Variants in ZNF124 observed in about 807,000 individuals in gnomAD.
ZNF124 encodes zinc finger protein 124.
In ZNF124, 25 loss-of-function variants were observed where a neutral mutation model predicts 26.6. The ratio of observed to expected loss-of-function variants is 0.94; its 90% CI spans 0.68 to 1.31. The LOEUF is 1.31. ZNF124 is among the 40% of genes most tolerant of loss of function. ZNF124 has a pLI of 0.00. For missense variants in ZNF124, 444 were observed against 422.2 expected (o/e 1.05, Z -0.45); for synonymous variants, 129 against 133.3 (o/e 0.97, Z 0.22).
At chr1:247,152,031 C>G (rs1328644579), downstream of ZNF124, among the ~76,000 whole-genome samples, 8 of 147,660 alleles carry the variant, frequency 5.4e-5, no homozygotes. Context: ...TATCTTTGGG[C>G]TAAAAATGTT....
exon 4 of ZNF124, chr1:247,123,067 C>A (rs2103095058): frequency 6.6e-6 from 1 of 152,322 alleles, no homozygotes. Flanking sequence ...AACACAATAA[C>A]TAAGCATAGA....
rs1326975345 is a variant in ZNF124 at position 247,156,446 on chromosome 1, C to T, written c.*120G>A. 2.8e-5 allele frequency: 37 copies of T among 1,339,576 alleles called. No homozygotes were observed. The highest frequency in any genetic ancestry group is 7.5e-5 in the African/African-American group (5 of 66,256). 83.0% of individuals were successfully genotyped at this position (1,339,576 alleles called of 1,614,324 possible). ...CATAGGGTTTATCTCCAGTTTGATT[C>T]GTTTCATGTATTTGAGGAAATCTGG... On this transcript the variant is annotated 3_prime_UTR_variant, in exon 4 of 4. Transcript: ENST00000543802.
In ZNF124 at chr1:247,156,550, G is replaced by A. The variant is rs575064230; in HGVS notation, c.*16C>T. ...ACTGTTCATGTTTTTGACAAAAACT[G>A]TAGTGATTAAAGCCTTTACATTTTT... On this transcript the variant is annotated 3_prime_UTR_variant, in exon 4 of 4. Coordinates refer to ENST00000543802, the MANE Select transcript of ZNF124 (RefSeq NM_001297568.2). The A allele has an allele frequency of 6.6e-7, 1 of 1,512,048 alleles. No individual in the cohort carries two copies. Among genetic ancestry groups the A allele is most frequent in the South Asian group, 1.4e-5 (1 of 71,862 alleles). The allele number at this position is 1,512,048 out of a possible 1,614,324, so 93.7% of individuals were successfully genotyped here. A position where few individuals can be genotyped will look rare whatever the true frequency, so the allele number is the denominator to read the frequency against.
intron 3 of ZNF124, among the ~76,000 whole-genome samples, chr1:247,147,347 C>T (rs971453961): frequency 2.0e-5 from 3 of 151,744 alleles, no homozygotes; most frequent in African/African-American, 7.3e-5. Flanking sequence ...CTGCCTCAGC[C>T]TCCAGAGTAG....
rs879233698 is a variant in ZNF124 at position 247,157,022 on chromosome 1, A to T, written c.600T>A (p.His200Gln). Reference protein sequence around the residue: ...SSHLRDHERTHTGEKPYECKH... With the variant: ...SSHLRDHERTQTGEKPYECKH... ...TACATTCATAGGGTTTCTCTCCAGT[A>T]TGAGTTCTTTCATGGTCACGAAGGT... Residue 200 changes from histidine (H) to glutamine (Q), a missense_variant, in exon 4 of 4, where the codon CAT becomes CAA. Transcript: ENST00000543802. 6.2e-7 allele frequency: 1 copy of T among 1,613,788 alleles called. No homozygotes were observed. The highest frequency in any genetic ancestry group is 8.5e-7 in the Non-Finnish European group (1 of 1,179,930).
intron 1 of ZNF124, among the ~76,000 whole-genome samples, chr1:247,169,902 A>C (rs1280783658): frequency 9.4e-6 from 1 of 106,690 alleles, no homozygotes; most frequent in Non-Finnish European, 1.9e-5. Context: ...CAGGGGATTC[A>C]TGCCATCCAG....
Position 247,159,011 on chromosome 1 carries a change from A to C in ZNF124, c.213T>G (p.Asn71Lys). 1 of 1,613,360 alleles carries C rather than the reference A, an allele frequency of 6.2e-7. No individual in the cohort carries two copies. The highest frequency in any genetic ancestry group is 8.5e-7 in the Non-Finnish European group (1 of 1,179,768). The change falls in exon 3 of 4, where the codon AAT becomes AAG. Residue 71 changes from asparagine (N) to lysine (K), a missense_variant. Transcript: ENST00000543802. ...CTCTTGTGAGGGCAAATTACCTTAG[A>C]TTTCTTGAAGAATTTTTGTACTGAT... ...IEDQYKNSSR[N>K]LRHIISHSGN...
chr1:247,160,143 G>A (rs1184371010), intron 1 of ZNF124, among the ~76,000 whole-genome samples: 1 of 151,970 alleles, frequency 6.6e-6, no homozygotes, highest in East Asian at 1.9e-4. Flanking sequence ...ATGTCACCAC[G>A]CCCAGCTAAT....
chr1:247,141,116 G>A (rs192100286), intron 3 of ZNF124, among the ~76,000 whole-genome samples: 1 of 152,122 alleles, frequency 6.6e-6, no homozygotes, highest in Non-Finnish European at 1.5e-5. Context: ...AGAACGGAGG[G>A]TCTGTGCTGT....
chr1:247,134,074 A>C (rs992925241), intron 3 of ZNF124, among the ~76,000 whole-genome samples: 1 of 152,216 alleles, frequency 6.6e-6, no homozygotes, highest in African/African-American at 2.4e-5. Context: ...CGTTACTACC[A>C]GGCCCGTGCT....
chr1:247,131,250 A>G (rs755007163), intron 3 of ZNF124, among the ~76,000 whole-genome samples: 3 of 152,008 alleles, frequency 2.0e-5, no homozygotes, highest in Admixed American at 6.5e-5. Context: ...CCAGGGAGGC[A>G]GTGAGTGAGT....
At chr1:247,123,770 G>A in exon 4 of ZNF124, 1 of 692,422 alleles carries the variant, frequency 1.4e-6, no homozygotes, top group Non-Finnish European at 2.6e-6. Flanking sequence ...GAGGTGCATG[G>A]GCTTTGGAGT....
chr1:247,164,829 G>A (rs927206732), intron 1 of ZNF124, among the ~76,000 whole-genome samples: 8 of 152,112 alleles, frequency 5.3e-5, no homozygotes, highest in African/African-American at 1.9e-4. Flanking sequence ...ACAAAGTTTG[G>A]AGGCATCATA....
rs74318046 is a variant in ZNF124, at chr1:247,156,528, G to A, written c.*38C>T. 139,510 of 1,495,532 alleles carry A rather than the reference G, an allele frequency of 0.093. 7,623 individuals carry two copies. Among genetic ancestry groups the A allele is most frequent in the Admixed American group, 0.19 (7,660 of 40,874 alleles). The allele number at this position is 1,495,532 out of a possible 1,614,324, so 92.6% of individuals were successfully genotyped here. A position where few individuals can be genotyped will look rare whatever the true frequency, so the allele number is the denominator to read the frequency against. On this transcript the variant is annotated 3_prime_UTR_variant, in exon 4 of 4. Coordinates refer to ENST00000543802, the MANE Select transcript of ZNF124 (RefSeq NM_001297568.2). Reference sequence around the variant, plus strand: ...CACAGTTTCTCTCAAGTATGTGACTGTTCATGTTTTTGACAAAAACTGTAG... The same window carrying A: ...CACAGTTTCTCTCAAGTATGTGACTATTCATGTTTTTGACAAAAACTGTAG...
At chr1:247,131,229 C>T (rs1314702232) in intron 3 of ZNF124, among the ~76,000 whole-genome samples, 1 of 152,180 alleles carries the variant, frequency 6.6e-6, no homozygotes, top group African/African-American at 2.4e-5. Flanking sequence ...AGGGGAGCCT[C>T]CTCCTCCAGC....
At chr1:247,166,067 T>G (rs972645951) in intron 1 of ZNF124, among the ~76,000 whole-genome samples, 2 of 152,184 alleles carry the variant, frequency 1.3e-5, no homozygotes, top group Non-Finnish European at 2.9e-5. Context: ...TAGTCCCAGC[T>G]ACTCGTGAGG....
intron 2 of ZNF124, 111 bp from the exon 3 acceptor site, chr1:247,159,177 G>T (rs148758597): frequency 2.0e-6 from 2 of 981,350 alleles, no homozygotes; most frequent in African/African-American, 3.4e-5. Context: ...AATGAATGCT[G>T]TAATTTGGTC....
At position 247,158,218 on chromosome 1, in the gene ZNF124, C is replaced by A. The variant is rs140995138; in HGVS notation, c.218+788G>T. Among the ~76,000 whole-genome samples, 1,267 of 152,218 alleles carry A rather than the reference C, an allele frequency of 8.3e-3. 9 individuals are homozygous for A. The highest frequency in any genetic ancestry group is 0.014 in the Non-Finnish European group (920 of 68,006). ...TGAGCCAAGACTGCACCACTGCACT[C>A]CAGTCTGGATACCAGAGAGAGACTC... On this transcript the variant is annotated intron_variant, in intron 3 of 3. Coordinates refer to ENST00000543802, the MANE Select transcript of ZNF124 (RefSeq NM_001297568.2).
downstream of ZNF124, among the ~76,000 whole-genome samples, chr1:247,151,323 C>G (rs1456820489): frequency 6.6e-6 from 1 of 151,808 alleles, no homozygotes; most frequent in African/African-American, 2.4e-5. Flanking sequence ...ACTAAAAATA[C>G]AAAAAATTAG....
Sources: allele counts gnomAD v4.1 joint callset (sites outside exome capture counted in the v4.1 genomes callset), GRCh38; gene constraint gnomAD v4.1.1; transcripts MANE v1.5; gene names NCBI Gene and HGNC (gene_info 2026-07-23, HGNC 2026-07-21).